The following IL1RAPL1 variants were observed in gnomAD, a reference collection of about 807,000 sequenced individuals.
IL1RAPL1 encodes the protein interleukin 1 receptor accessory protein like 1, also known as interleukin-1 receptor accessory protein-like 1.
A neutral mutation model predicts 48.4 loss-of-function variants in IL1RAPL1; 3 were observed. The ratio of observed to expected loss-of-function variants is 0.06; its 90% CI spans 0.03 to 0.16. The LOEUF (loss-of-function observed/expected upper bound fraction) is 0.16. Ranked by LOEUF, IL1RAPL1 falls within the 10% of genes least tolerant of loss-of-function variation. The pLI is 1.00. For missense variants in IL1RAPL1, 349 were observed against 530.6 expected (o/e 0.66, Z 3.36); for synonymous variants, 185 against 187.7 (o/e 0.99, Z 0.12).
intron 3 of IL1RAPL1, among the ~76,000 whole-genome samples, chrX:29,337,676 A>C (rs1050439292): frequency 1.8e-5 from 2 of 110,630 alleles, no homozygotes; most frequent in African/African-American, 3.3e-5. Context: ...TGACAAATTT[A>C]TTTATTTATT....
intron 2 of IL1RAPL1, among the ~76,000 whole-genome samples, chrX:28,962,181 A>G (rs948526783): frequency 5.4e-5 from 6 of 112,087 alleles, no homozygotes; most frequent in Non-Finnish European, 9.4e-5. Flanking sequence ...AAAAATTATC[A>G]GATTTGATTT....
intron 2 of IL1RAPL1, among the ~76,000 whole-genome samples, chrX:29,114,441 C>T (rs759272797): frequency 2.0e-3 from 222 of 112,005 alleles, no homozygotes; most frequent in Non-Finnish European, 3.1e-3. Flanking sequence ...AGAATATATG[C>T]ACACCTCTTC....
chrX:29,913,641 A>G (rs1457201297), intron 6 of IL1RAPL1, among the ~76,000 whole-genome samples: 1 of 111,000 alleles, frequency 9.0e-6, no homozygotes, highest in Non-Finnish European at 1.9e-5. Flanking sequence ...CTTATTCCTT[A>G]TGTGATCCCA....
chrX:29,905,929 G>A (rs889368238), intron 6 of IL1RAPL1, among the ~76,000 whole-genome samples: 2 of 111,298 alleles, frequency 1.8e-5, no homozygotes. Context: ...GAAATGTTGA[G>A]ATGAATTGTA....
At chrX:29,056,095 A>C (rs1363977034) in intron 2 of IL1RAPL1, among the ~76,000 whole-genome samples, 1 of 111,848 alleles carries the variant, frequency 8.9e-6, no homozygotes, top group Non-Finnish European at 1.9e-5. Context: ...TTGATAAACT[A>C]TTTGTTATTT....
chrX:29,609,191 C>T (rs1045098775), intron 5 of IL1RAPL1, among the ~76,000 whole-genome samples: 2 of 111,567 alleles, frequency 1.8e-5, no homozygotes, highest in African/African-American at 6.5e-5. Context: ...TCTGTCACCA[C>T]TACTCTGCTG....
At chrX:29,081,734 C>T (rs899669610) in intron 2 of IL1RAPL1, among the ~76,000 whole-genome samples, 2 of 110,918 alleles carry the variant, frequency 1.8e-5, no homozygotes, top group South Asian at 3.8e-4. Flanking sequence ...AAATGGCATA[C>T]GTATTGAAAA....
chrX:29,709,882 T>C (rs776312830), intron 6 of IL1RAPL1, among the ~76,000 whole-genome samples: 1 of 111,960 alleles, frequency 8.9e-6, no homozygotes, highest in African/African-American at 3.2e-5. Context: ...ATCTTTCACC[T>C]CTTTGGTGAA....
chrX:28,777,316 T>G (rs1056854678), intron 1 of IL1RAPL1, among the ~76,000 whole-genome samples: 1 of 111,317 alleles, frequency 9.0e-6, no homozygotes, highest in South Asian at 3.8e-4. Context: ...CACCTTGTAA[T>G]CTGGAATAAT....
chrX:28,992,176 T>A (rs1329087949), intron 2 of IL1RAPL1, among the ~76,000 whole-genome samples: 1 of 111,734 alleles, frequency 8.9e-6, no homozygotes, highest in African/African-American at 3.2e-5. Context: ...AGATAATAAA[T>A]GTATAAGTGT....
At chrX:29,052,733 A>G (rs779496508) in intron 2 of IL1RAPL1, among the ~76,000 whole-genome samples, 8 of 111,113 alleles carry the variant, frequency 7.2e-5, no homozygotes, top group East Asian at 2.8e-4. Flanking sequence ...ATGCAATGGC[A>G]TGATCTCAGC....
At chrX:29,120,082 G>A (rs1928751505) in intron 2 of IL1RAPL1, among the ~76,000 whole-genome samples, 2 of 111,673 alleles carry the variant, frequency 1.8e-5, no homozygotes, top group African/African-American at 3.2e-5. Flanking sequence ...GAAGCTAACA[G>A]TCTAATCACA....
At chrX:29,475,566 G>A (rs904785850) in intron 5 of IL1RAPL1, among the ~76,000 whole-genome samples, 1 of 111,841 alleles carries the variant, frequency 8.9e-6, no homozygotes, top group Admixed American at 9.5e-5. Context: ...AGGCACCAAT[G>A]AATCTAATAC....
intron 2 of IL1RAPL1, among the ~76,000 whole-genome samples, chrX:29,015,228 T>C (rs1314866920): frequency 9.0e-6 from 1 of 111,219 alleles, no homozygotes; most frequent in East Asian, 2.8e-4. Flanking sequence ...GAAGTACATA[T>C]TGGTCATCCA....
rs1176823546 is a variant in IL1RAPL1, at chrX:29,800,860, C to T, written c.779-116604C>T. On this transcript the variant is annotated intron_variant, in intron 6 of 10. Coordinates refer to ENST00000378993, the MANE Select transcript of IL1RAPL1 (RefSeq NM_014271.4). The stretch of plus-strand genomic sequence containing the variant: ...AAAAAAAAAAAAAAAATTAGCCAGG[C>T]GTGGTGGTGCATGCCTGTAATCCCA... Among the ~76,000 whole-genome samples the T allele has an allele frequency of 6.1e-5, 6 of 97,708 alleles. No individual in the cohort carries two copies. The East Asian group carries it at 1.3e-3, about 21-fold the overall frequency. The allele number at this position is 97,708 out of a possible 115,157, so 84.8% of individuals were successfully genotyped here.
chrX:28,781,346 C>A (rs1936421887), intron 1 of IL1RAPL1, among the ~76,000 whole-genome samples: 1 of 106,509 alleles, frequency 9.4e-6, no homozygotes, highest in African/African-American at 3.4e-5. Context: ...AGAACTGAGT[C>A]CCTCAGCTCC....
rs1929229779 is a variant in IL1RAPL1, at chrX:29,777,555, T to C, written c.778+109051T>C. The stretch of plus-strand genomic sequence containing the variant: ...ACAATTCTGATTTTCTCTCTTTATT[T>C]TGAGTAGCTTTAAATCCAGACATAC... On this transcript the variant is annotated intron_variant, in intron 6 of 10. Coordinates refer to ENST00000378993, the MANE Select transcript of IL1RAPL1 (RefSeq NM_014271.4). Among the ~76,000 whole-genome samples, 6 of 111,890 alleles carry C rather than the reference T, an allele frequency of 5.4e-5. No individual in the cohort carries two copies. In the Admixed American group the frequency reaches 5.7e-4, roughly 11 times the overall value.
At chrX:29,017,452 A>G (rs934467081) in intron 2 of IL1RAPL1, among the ~76,000 whole-genome samples, 22 of 112,194 alleles carry the variant, frequency 2.0e-4, no homozygotes, top group Non-Finnish European at 3.0e-4. Flanking sequence ...TTTAGGAACC[A>G]GAAATTTCTG....
chrX:29,837,938 C>A (rs1003961655), intron 6 of IL1RAPL1, among the ~76,000 whole-genome samples: 1 of 111,950 alleles, frequency 8.9e-6, no homozygotes, highest in African/African-American at 3.2e-5. Flanking sequence ...AGATGAAGTA[C>A]CTTTACATGA....
Sources: gnomAD v4.1 joint callset for allele counts (sites outside exome capture counted in the v4.1 genomes callset) on GRCh38, gnomAD v4.1.1 for gene constraint, MANE v1.5 for transcripts, NCBI Gene and HGNC (gene_info 2026-07-23, HGNC 2026-07-21) for gene names.